GAS7: variants seen among roughly 807,000 people sequenced by gnomAD.
GAS7 encodes growth arrest specific 7, also known as growth arrest-specific protein 7.
GAS7 carries 28 observed loss-of-function variants against 71.1 expected under a neutral mutation model. That is an observed-to-expected ratio of 0.39 (90% CI 0.29 to 0.54). GAS7 has a LOEUF of 0.54. GAS7 is among the 20% of genes least tolerant of loss of function. The pLI is 0.62. For synonymous variants in GAS7, 258 were observed against 245.8 expected (o/e 1.05, Z -0.46); for missense variants, 436 against 627.8 (o/e 0.69, Z 3.27).
At chr17:10,120,981 G>C (rs563109350) in intron 1 of GAS7, among the ~76,000 whole-genome samples, 1 of 152,228 alleles carries the variant, frequency 6.6e-6, no homozygotes, top group East Asian at 1.9e-4. Flanking sequence ...GATGAGTTTC[G>C]GATGGCAGGA....
rs529791071 is a variant in GAS7 at position 9,988,494 on chromosome 17, G to A, written c.305-6610C>T. Among the ~76,000 whole-genome samples the A allele has an allele frequency of 2.0e-3, 298 of 152,260 alleles. 2 individuals are homozygous for A. Among genetic ancestry groups the A allele is most frequent in the African/African-American group, 1.2e-3 (51 of 41,554 alleles). On this transcript the variant is annotated intron_variant, in intron 2 of 13. Transcript: ENST00000432992. ...TCACAGAGACCTGGTTCCCTCCTGC[G>A]CACCAGAGTTTCCTCCATCTCTGGT...
chr17:10,119,818 TCTC>T (rs895929346), intron 1 of GAS7, among the ~76,000 whole-genome samples: 43 of 152,256 alleles, frequency 2.8e-4, no homozygotes, highest in African/African-American at 9.9e-4. Flanking sequence ...CAGGCTGTCT[TCTC>T]CTGGCAGTGC....
At position 9,919,533 on chromosome 17, in the gene GAS7, C is replaced by T; in HGVS notation, c.1218+93G>A. ...TTTGATGACCATCTCCAGGGTCACT[C>T]CACCCCATCATCCCCGCGCCCACCA... On this transcript the variant is annotated intron_variant, in intron 12 of 13. Transcript: ENST00000432992. The surrounding 1 kb of genome is among the most constrained non-coding windows in gnomAD (Gnocchi z 5.0). 1.1e-6 allele frequency: 1 copy of T among 898,520 alleles called. No homozygotes were observed. Among genetic ancestry groups the T allele is most frequent in the Non-Finnish European group, 1.9e-6 (1 of 528,090 alleles). 55.7% of individuals were successfully genotyped at this position (898,520 alleles called of 1,614,324 possible). A position where few individuals can be genotyped will look rare whatever the true frequency, so the allele number is the denominator to read the frequency against.
At chr17:10,023,392 T>G (rs1317793596) in intron 1 of GAS7, among the ~76,000 whole-genome samples, 7 of 152,130 alleles carry the variant, frequency 4.6e-5, no homozygotes, top group Non-Finnish European at 1.0e-4. Context: ...GGTACATGGA[T>G]GCTCACAGCA....
rs34907720 is a variant in GAS7 at position 9,946,969 on chromosome 17, C to T, written c.540G>A (p.Thr180=). 4,207 of 1,610,820 alleles carry T rather than the reference C, an allele frequency of 2.6e-3. 10 individuals are homozygous for T. Among genetic ancestry groups the T allele is most frequent in the Non-Finnish European group, 3.1e-3 (3,595 of 1,177,104 alleles). ...KENTITINCV[T]FPHPDTMPEQ... is the part of the protein sequence containing the mutation. ...CCGGCATCGTGTCTGGGTGAGGGAACGTCACACAGTTTATCTGTAGGGCAC... is the reference window on the plus strand; with the variant it reads ...CCGGCATCGTGTCTGGGTGAGGGAATGTCACACAGTTTATCTGTAGGGCAC... Residue 180 remains threonine, a synonymous_variant, in exon 6 of 14, where the codon ACG becomes ACA. Transcript: ENST00000432992.
rs1011175913 is a variant in GAS7 at position 9,949,513 on chromosome 17, C to T, written c.526-2530G>A. Among the ~76,000 whole-genome samples the T allele has an allele frequency of 7.2e-5, 11 of 152,132 alleles. No homozygotes were observed. The East Asian group carries it at 2.1e-3, about 29-fold the overall frequency. On this transcript the variant is annotated intron_variant, in intron 5 of 13. Transcript: ENST00000432992. ...CCTGGGTGGCTAGAAGTAAATCTAG[C>T]GCACACCCCCTCCCCAGCTGCCAGG...
At chr17:10,100,706 C>G (rs2073690160) in intron 1 of GAS7, among the ~76,000 whole-genome samples, 1 of 152,086 alleles carries the variant, frequency 6.6e-6, no homozygotes, top group Non-Finnish European at 1.5e-5. Flanking sequence ...GTTTTTTTCC[C>G]CTCTTTGGAA....
At chr17:9,923,770 A>T (rs1252999921) in intron 11 of GAS7, among the ~76,000 whole-genome samples, 3 of 152,166 alleles carry the variant, frequency 2.0e-5, no homozygotes, top group Admixed American at 2.0e-4. Flanking sequence ...CAGCAACTAT[A>T]TTCTCTCTAT....
At chr17:10,186,133 T>G (rs910447001) in intron 1 of GAS7, among the ~76,000 whole-genome samples, 2 of 151,448 alleles carry the variant, frequency 1.3e-5, no homozygotes, top group Non-Finnish European at 2.9e-5. Context: ...TTGTATTTTT[T>G]TTTTTAATAG....
chr17:10,173,425 T>C (rs1003303386), intron 1 of GAS7, among the ~76,000 whole-genome samples: 1 of 151,976 alleles, frequency 6.6e-6, no homozygotes, highest in Non-Finnish European at 1.5e-5. Context: ...CCTAGGTAAG[T>C]AATGAGTTTC....
intron 5 of GAS7, among the ~76,000 whole-genome samples, chr17:9,952,964 C>G (rs138704516): frequency 1.1e-4 from 17 of 152,192 alleles, no homozygotes; most frequent in African/African-American, 3.9e-4. Flanking sequence ...AAAAACAGAA[C>G]TATCATTCGA....
At chr17:10,051,513 C>T (rs2073062568) in intron 1 of GAS7, among the ~76,000 whole-genome samples, 1 of 152,192 alleles carries the variant, frequency 6.6e-6, no homozygotes, top group South Asian at 2.1e-4. Context: ...CTCGCATGGA[C>T]TGTCCCCTAA....
At chr17:10,112,527 G>A (rs905794166) in intron 1 of GAS7, among the ~76,000 whole-genome samples, 18 of 152,178 alleles carry the variant, frequency 1.2e-4, no homozygotes, top group Non-Finnish European at 2.5e-4. Context: ...CCTGAGGTGA[G>A]GAGTTCGAGA....
At position 9,919,586 on chromosome 17, in the gene GAS7, G is replaced by C; in HGVS notation, c.1218+40C>G. On this transcript the variant is annotated intron_variant, in intron 12 of 13. Transcript: ENST00000432992. This position sits in a 1 kb window ranked among gnomAD's most constrained non-coding sequence, Gnocchi z 5.0. ...AACCACCAGGGGCTGCTCTGTGTCAGCCTCTGTACTGCCATGTCCACACAT... is the reference window on the plus strand; with the variant it reads ...AACCACCAGGGGCTGCTCTGTGTCACCCTCTGTACTGCCATGTCCACACAT... The C allele has an allele frequency of 7.0e-7, 1 of 1,430,266 alleles. No homozygotes were observed. Among genetic ancestry groups the C allele is most frequent in the African/African-American group, 1.4e-5 (1 of 71,464 alleles). The allele number at this position is 1,430,266 out of a possible 1,614,324, so 88.6% of individuals were successfully genotyped here. A position where few individuals can be genotyped will look rare whatever the true frequency, so the allele number is the denominator to read the frequency against.
intron 1 of GAS7, among the ~76,000 whole-genome samples, chr17:10,172,817 A>G (rs916664808): frequency 6.6e-6 from 1 of 152,204 alleles, no homozygotes; most frequent in African/African-American, 2.4e-5. Flanking sequence ...ATTGCCAGTA[A>G]CCCATGCAGT....
intron 11 of GAS7, among the ~76,000 whole-genome samples, chr17:9,920,077 A>T (rs1405484677): frequency 1.3e-5 from 2 of 150,310 alleles, no homozygotes; most frequent in Non-Finnish European, 2.9e-5. Context: ...CCCTCTCTAA[A>T]GATGGCAGTT....
chr17:10,126,793 C>T (rs1007968375), intron 1 of GAS7, among the ~76,000 whole-genome samples: 8 of 152,228 alleles, frequency 5.3e-5, no homozygotes, highest in South Asian at 4.1e-4. Flanking sequence ...GGAACCAAGC[C>T]GGCTCTGACT....
chr17:10,118,127 C>T (rs1040027306), intron 1 of GAS7, among the ~76,000 whole-genome samples: 2 of 152,132 alleles, frequency 1.3e-5, no homozygotes, highest in African/African-American at 4.8e-5. Flanking sequence ...GGCGTGGAGA[C>T]AGCCAAGACC....
chr17:9,946,972 C>T lies in GAS7; in HGVS notation c.537G>A (p.Val179=), dbSNP rs1567808241. 6.2e-7 allele frequency: 1 copy of T among 1,611,108 alleles called. No individual in the cohort carries two copies. The highest frequency in any genetic ancestry group is 1.1e-5 in the South Asian group (1 of 91,004). Residue 179 remains valine, a synonymous_variant, in exon 6 of 14, where the codon GTG becomes GTA. Coordinates refer to ENST00000432992, the MANE Select transcript of GAS7 (RefSeq NM_201433.2). ...GCATCGTGTCTGGGTGAGGGAACGT[C>T]ACACAGTTTATCTGTAGGGCACAGA... ...SKENTITINC[V]TFPHPDTMPE...
Sources: gnomAD v4.1 joint callset for allele counts (sites outside exome capture counted in the v4.1 genomes callset) on GRCh38, gnomAD v4.1.1 for gene constraint, Gnocchi (gnomAD v3.1) non-coding constraint, MANE v1.5 for transcripts, NCBI Gene and HGNC (gene_info 2026-07-23, HGNC 2026-07-21) for gene names.